The following ITFG1 variants were observed in gnomAD, a reference collection of about 807,000 sequenced individuals.
ITFG1 encodes the protein T-cell immunomodulatory protein.
ITFG1 carries 34 observed loss-of-function variants against 81.8 expected under a neutral mutation model. The observed-to-expected ratio is 0.42, with a 90% confidence interval of 0.32 to 0.55. The LOEUF (loss-of-function observed/expected upper bound fraction) is 0.55. Among genes scored for constraint, ITFG1 ranks in the 20% least tolerant of loss-of-function variants. ITFG1 has a pLI of 0.17. For synonymous variants in ITFG1, 285 were observed against 270.6 expected, an observed-to-expected ratio of 1.05 and a Z score of -0.52; for missense variants, 672 against 755.4, an observed-to-expected ratio of 0.89 and a Z score of 1.29.
intron 10 of ITFG1, among the ~76,000 whole-genome samples, chr16:47,289,602 T>A (rs972897074): frequency 6.6e-6 from 1 of 152,206 alleles, no homozygotes; most frequent in Non-Finnish European, 1.5e-5. Flanking sequence ...CATGAATTCA[T>A]CCATTTACAC....
chr16:47,427,411 C>T (rs964034037), intron 6 of ITFG1, among the ~76,000 whole-genome samples: 1 of 152,166 alleles, frequency 6.6e-6, no homozygotes, highest in African/African-American at 2.4e-5. Context: ...AATCCCAGCC[C>T]TTTGGGAGTC....
At chr16:47,163,108 T>C (rs1371990428) in intron 14 of ITFG1, among the ~76,000 whole-genome samples, 2 of 152,206 alleles carry the variant, frequency 1.3e-5, no homozygotes, top group African/African-American at 4.8e-5. Context: ...AGCCAATGAT[T>C]CACTTTTTAA....
rs371211295 is a variant in ITFG1 at position 47,451,382 on chromosome 16, C to G, written c.560+14G>C. On this transcript the variant is annotated intron_variant, in intron 5 of 17. Coordinates refer to ENST00000320640, the MANE Select transcript of ITFG1 (RefSeq NM_030790.5). ...TATACGATTAATTACATAGTTATAA[C>G]CATATTTACTCACCCTCCTAATAGT... 7.2e-7 allele frequency: 1 copy of G among 1,381,326 alleles called. No homozygotes were observed. Among genetic ancestry groups the G allele is most frequent in the South Asian group, 1.2e-5 (1 of 83,532 alleles). The allele number at this position is 1,381,326 out of a possible 1,614,324, so 85.6% of individuals were successfully genotyped here. A position where few individuals can be genotyped will look rare whatever the true frequency, so the allele number is the denominator to read the frequency against.
At chr16:47,343,623 A>G (rs1967813319) in intron 8 of ITFG1, among the ~76,000 whole-genome samples, 1 of 152,156 alleles carries the variant, frequency 6.6e-6, no homozygotes, top group South Asian at 2.1e-4. Context: ...ATCAGTCATT[A>G]GAGAAACACA....
chr16:47,260,001 C>G (rs188635290), intron 11 of ITFG1, among the ~76,000 whole-genome samples: 1 of 150,394 alleles, frequency 6.6e-6, no homozygotes, highest in Non-Finnish European at 1.5e-5. Context: ...TGCAGTGGCG[C>G]AATCTCGGCT....
intron 14 of ITFG1, among the ~76,000 whole-genome samples, chr16:47,206,494 AAT>A (rs1965501520): frequency 3.3e-5 from 5 of 152,208 alleles, no homozygotes; most frequent in African/African-American, 1.2e-4. Context: ...CATCGACCTC[AAT>A]ATGAAACTCC....
At chr16:47,191,179 T>G (rs984266828) in intron 14 of ITFG1, among the ~76,000 whole-genome samples, 2 of 152,336 alleles carry the variant, frequency 1.3e-5, no homozygotes, top group Non-Finnish European at 2.9e-5. Flanking sequence ...TTTTTCTTTT[T>G]TCTCCTCACT....
At chr16:47,373,155 A>G (rs1380724716) in intron 7 of ITFG1, among the ~76,000 whole-genome samples, 1 of 152,218 alleles carries the variant, frequency 6.6e-6, no homozygotes, top group Non-Finnish European at 1.5e-5. Context: ...GGCCTAAATC[A>G]GCCACTTTAT....
At chr16:47,345,921 G>T (rs1967848073) in intron 8 of ITFG1, among the ~76,000 whole-genome samples, 3 of 152,164 alleles carry the variant, frequency 2.0e-5, no homozygotes, top group Admixed American at 2.0e-4. Context: ...CACGAATAGA[G>T]AAGTAAATAG....
At chr16:47,333,782 T>G (rs1438031438) in intron 8 of ITFG1, among the ~76,000 whole-genome samples, 1 of 152,222 alleles carries the variant, frequency 6.6e-6, no homozygotes, top group Non-Finnish European at 1.5e-5. Context: ...TTTAAGGAAC[T>G]GCTCTTTTTA....
In ITFG1 at chr16:47,166,203, G is replaced by T. The variant is rs527664332; in HGVS notation, c.1454-3539C>A. ...GACTTCATCTTCATGATAAAACCTT[G>T]GTCTCCACAACCCCTTATGTTAAAA... is the stretch of plus-strand genomic sequence containing the variant. On this transcript the variant is annotated intron_variant, in intron 14 of 17. Coordinates refer to ENST00000320640, the MANE Select transcript of ITFG1 (RefSeq NM_030790.5). Among the ~76,000 whole-genome samples the T allele has an allele frequency of 2.0e-5, 3 of 152,136 alleles. No individual in the cohort carries two copies. In the South Asian group the frequency reaches 6.2e-4, roughly 32 times the overall value.
chr16:47,400,932 A>C (rs1367088058), intron 6 of ITFG1, among the ~76,000 whole-genome samples: 2 of 152,192 alleles, frequency 1.3e-5, no homozygotes, highest in Non-Finnish European at 2.9e-5. Context: ...AGAGATTTTA[A>C]GAAAGGGTGT....
rs1307569773 is a variant in ITFG1, at chr16:47,427,830, A to C, written c.655+974T>G. The stretch of plus-strand genomic sequence containing the variant: ...ATTTTGAATAATGACTAGATATTCA[A>C]TGACATTAAGAAATTGTTGTTGATT... On this transcript the variant is annotated intron_variant, in intron 6 of 17. Transcript: ENST00000320640. Among the ~76,000 whole-genome samples, 4 of 152,236 alleles carry C rather than the reference A, an allele frequency of 2.6e-5. No individual in the cohort carries two copies. The East Asian group carries it at 7.7e-4, about 29-fold the overall frequency.
Position 47,171,063 on chromosome 16 carries a change from G to T in ITFG1, c.1454-8399C>A, listed in dbSNP as rs1285886042. Among the ~76,000 whole-genome samples, 5 of 123,358 alleles carry T rather than the reference G, an allele frequency of 4.1e-5. No homozygotes were observed. In the East Asian group the frequency reaches 7.1e-4, roughly 18 times the overall value. The allele number at this position is 123,358 out of a possible 152,430, so 80.9% of individuals were successfully genotyped here. On this transcript the variant is annotated intron_variant, in intron 14 of 17. Coordinates refer to ENST00000320640, the MANE Select transcript of ITFG1 (RefSeq NM_030790.5). ...TTTTTTTTTTTTGAGACAGGGTCTT[G>T]CTCTACCACACAGGCTGGAGTGCAG...
chr16:47,424,287 T>C (rs922175971), intron 6 of ITFG1, among the ~76,000 whole-genome samples: 5 of 152,202 alleles, frequency 3.3e-5, no homozygotes, highest in African/African-American at 1.2e-4. Context: ...CATCAAGTCA[T>C]TTAAGGTCTT....
chr16:47,180,979 G>T (rs1471527942), intron 14 of ITFG1, among the ~76,000 whole-genome samples: 14 of 146,914 alleles, frequency 9.5e-5, no homozygotes. Context: ...GATGTGAGAA[G>T]CCCCTCTGCC....
chr16:47,400,572 T>C (rs1325069044), intron 6 of ITFG1, among the ~76,000 whole-genome samples: 1 of 152,026 alleles, frequency 6.6e-6, no homozygotes, highest in African/African-American at 2.4e-5. Context: ...AGAGCTGACA[T>C]TCTACTAGGG....
In ITFG1 at chr16:47,365,853, A is replaced by C. The variant is rs373042811; in HGVS notation, c.737T>G (p.Val246Gly). ...TTGAGGTTTTTCCAATATAGTACTGACAGAGAAGTTTCCATCCTGTTAAAT... is the reference window on the plus strand; with the variant it reads ...TTGAGGTTTTTCCAATATAGTACTGCCAGAGAAGTTTCCATCCTGTTAAAT... ...IWENLDGNFSVSTILEKPQNM... is the reference protein window; with the variant it reads ...IWENLDGNFSGSTILEKPQNM... Residue 246 changes from valine (V) to glycine (G), a missense_variant, in exon 8 of 18, where the codon GTC (valine) becomes GGC (glycine). Around this residue, in one of 3 missense-constraint regions of ITFG1, gnomAD observed 560 missense variants for 625.7 expected, o/e 0.90. Transcript: ENST00000320640. 8.8e-6 allele frequency: 14 copies of C among 1,590,366 alleles called. No individual in the cohort carries two copies. The highest frequency in any genetic ancestry group is 1.2e-5 in the Non-Finnish European group (14 of 1,159,438).
chr16:47,362,960 G>A (rs914253391), intron 8 of ITFG1, among the ~76,000 whole-genome samples: 6 of 152,006 alleles, frequency 3.9e-5, no homozygotes, highest in South Asian at 2.1e-4. Context: ...GCAGTGGCAC[G>A]ATCACTGTTC....
Sources: gnomAD v4.1 joint callset for allele counts (sites outside exome capture counted in the v4.1 genomes callset) on GRCh38, gnomAD v4.1.1 for gene constraint, gnomAD v4.1.1 regional missense constraint, MANE v1.5 for transcripts, NCBI Gene and HGNC (gene_info 2026-07-23, HGNC 2026-07-21) for gene names.